The following PLD1 variants were observed in gnomAD, a reference collection of about 807,000 sequenced individuals.
PLD1 encodes phospholipase D1.
PLD1 carries 112 observed loss-of-function variants against 137.1 expected under a neutral mutation model. The ratio of observed to expected loss-of-function variants is 0.82; its 90% CI spans 0.70 to 0.96. The LOEUF (loss-of-function observed/expected upper bound fraction) is 0.96. Among genes scored for constraint, PLD1 ranks in the 40% least tolerant of loss-of-function variants. The pLI, the probability that PLD1 is intolerant of heterozygous loss-of-function variation, is 0.00. For missense variants in PLD1, 1,321 were observed against 1,342.0 expected (o/e 0.98, Z 0.24); for synonymous variants, 431 against 454.7 (o/e 0.95, Z 0.66).
intron 23 of PLD1, among the ~76,000 whole-genome samples, chr3:171,622,310 T>A (rs1007164296): frequency 6.6e-6 from 1 of 152,228 alleles, no homozygotes; most frequent in African/African-American, 2.4e-5. Flanking sequence ...TTCACAGAAT[T>A]CTGATTCAGC....
intron 25 of PLD1, among the ~76,000 whole-genome samples, chr3:171,608,879 A>T (rs1732420435): frequency 1.3e-5 from 2 of 152,294 alleles, no homozygotes; most frequent in South Asian, 4.2e-4. Flanking sequence ...AGGTGGGGAA[A>T]AAAAAGAAAA....
chr3:171,723,873 T>G (rs896843993), intron 8 of PLD1, among the ~76,000 whole-genome samples: 2 of 152,166 alleles, frequency 1.3e-5, no homozygotes, highest in African/African-American at 4.8e-5. Context: ...ATCAGATAGG[T>G]AGTTTGTAGG....
chr3:171,767,319 T>A (rs143033166), intron 1 of PLD1, among the ~76,000 whole-genome samples: 348 of 152,314 alleles, frequency 2.3e-3, no homozygotes, highest in African/African-American at 7.8e-3. Context: ...ACCAGGTTCT[T>A]GCCACTGGTC....
chr3:171,710,549 T>A (rs1171268556), intron 9 of PLD1, among the ~76,000 whole-genome samples: 1 of 152,160 alleles, frequency 6.6e-6, no homozygotes, highest in Non-Finnish European at 1.5e-5. Flanking sequence ...CTGTGGCTGA[T>A]CTGACAGAAG....
intron 19 of PLD1, among the ~76,000 whole-genome samples, chr3:171,669,734 G>A (rs1005084868): frequency 1.3e-5 from 2 of 152,240 alleles, no homozygotes; most frequent in Non-Finnish European, 2.9e-5. Flanking sequence ...GCGAAAGCTT[G>A]AAGGCTGTTT....
At chr3:171,759,064 G>T (rs1721221586) in intron 1 of PLD1, among the ~76,000 whole-genome samples, 1 of 150,174 alleles carries the variant, frequency 6.7e-6, no homozygotes, top group African/African-American at 2.5e-5. Flanking sequence ...GTTGCTTCTT[G>T]TCAAGGCCAC....
intron 1 of PLD1, among the ~76,000 whole-genome samples, chr3:171,781,121 T>G (rs1321861768): frequency 6.6e-6 from 1 of 151,856 alleles, no homozygotes; most frequent in Non-Finnish European, 1.5e-5. Flanking sequence ...GATCAACAAA[T>G]AGATCAATAC....
chr3:171,611,087 C>T (rs1732614159), intron 25 of PLD1, among the ~76,000 whole-genome samples: 1 of 152,228 alleles, frequency 6.6e-6, no homozygotes, highest in African/African-American at 2.4e-5. Context: ...AAACAACAGG[C>T]TGCAGCGCAG....
At chr3:171,656,156 TTTTATTTA>T (rs142427730) in intron 21 of PLD1, among the ~76,000 whole-genome samples, 8 of 145,430 alleles carry the variant, frequency 5.5e-5, no homozygotes, top group Admixed American at 1.4e-4. Context: ...AATACTATAA[TTTTATTTA>T]TTTATTTATT....
At chr3:171,743,325 ACTGT>A (rs1227138006) in intron 1 of PLD1, among the ~76,000 whole-genome samples, 1 of 152,274 alleles carries the variant, frequency 6.6e-6, no homozygotes, top group East Asian at 1.9e-4. Context: ...CCATCTTGCA[ACTGT>A]CTTTCTGGCT....
chr3:171,696,945 C>T (rs971399307), intron 12 of PLD1, among the ~76,000 whole-genome samples: 11 of 152,138 alleles, frequency 7.2e-5, no homozygotes, highest in Non-Finnish European at 1.6e-4. Flanking sequence ...ATGGTGTTCA[C>T]GAGGGACCTC....
At chr3:171,653,963 A>G (rs1343807177) in intron 21 of PLD1, 1 of 271,108 alleles carries the variant, frequency 3.7e-6, no homozygotes, top group African/African-American at 2.3e-5. Context: ...TGGTCCCCCA[A>G]TAATTTCAGA....
Position 171,635,965 on chromosome 3 carries a change from C to CTTTTTTTTTTTTTTTTTTTTTTTTTTTTT in PLD1, c.2593+6846_2593+6874dup, listed in dbSNP as rs71178231. ...ATGGTATGAGGTAGGGGTTCAACTT[C>CTTTTTTTTTTTTTTTTTTTTTTTTTTTTT]TTTTTTTTTTTTTTTTTTTTTTTTT... On this transcript the variant is annotated intron_variant, in intron 23 of 26. Transcript: ENST00000351298. 2.0e-3 allele frequency among the ~76,000 whole-genome samples: 101 copies of CTTTTTTTTTTTTTTTTTTTTTTTTTTTTT among 49,274 alleles called. 8 individuals carry two copies. The highest frequency in any genetic ancestry group is 3.0e-3 in the Non-Finnish European group (67 of 22,586). 32.3% of individuals were successfully genotyped at this position (49,274 alleles called of 152,430 possible).
At chr3:171,669,660 G>A (rs578256430) in intron 19 of PLD1, among the ~76,000 whole-genome samples, 1 of 152,180 alleles carries the variant, frequency 6.6e-6, no homozygotes, top group Non-Finnish European at 1.5e-5. Context: ...CTTGGCCTCC[G>A]TAAGTGCTGG....
intron 1 of PLD1, among the ~76,000 whole-genome samples, chr3:171,756,315 G>C (rs1721026751): frequency 6.6e-6 from 1 of 152,158 alleles, no homozygotes; most frequent in Non-Finnish European, 1.5e-5. Context: ...CTTTTACTTG[G>C]TTATTTTTAA....
intron 23 of PLD1, among the ~76,000 whole-genome samples, chr3:171,639,353 T>C (rs1173064988): frequency 1.7e-4 from 22 of 132,150 alleles, no homozygotes; most frequent in African/African-American, 6.4e-4. Flanking sequence ...AAGATATATA[T>C]GAATATATAT....
intron 1 of PLD1, among the ~76,000 whole-genome samples, chr3:171,748,650 C>T (rs1299571687): frequency 6.6e-6 from 1 of 151,782 alleles, no homozygotes; most frequent in Non-Finnish European, 1.5e-5. Context: ...AATTTTTTGG[C>T]CATCTATGTA....
intron 1 of PLD1, among the ~76,000 whole-genome samples, chr3:171,778,364 T>C (rs1037328386): frequency 1.3e-5 from 2 of 152,178 alleles, no homozygotes; most frequent in African/African-American, 4.8e-5. Context: ...TATATTCTAT[T>C]AGGGAAGACA....
At chr3:171,710,875 T>C (rs1428235672) in intron 9 of PLD1, among the ~76,000 whole-genome samples, 1 of 138,784 alleles carries the variant, frequency 7.2e-6, no homozygotes, top group Non-Finnish European at 1.5e-5. Context: ...AACTGTTCTT[T>C]TTTTTTTTTT....
Sources: gnomAD v4.1 joint callset for allele counts (sites outside exome capture counted in the v4.1 genomes callset) on GRCh38, gnomAD v4.1.1 for gene constraint, MANE v1.5 for transcripts, NCBI Gene and HGNC (gene_info 2026-07-23, HGNC 2026-07-21) for gene names.